Variants in CNIH3 observed in about 807,000 individuals in gnomAD.
CNIH3 encodes cornichon family AMPA receptor auxiliary protein 3.
Under a neutral mutation model 24.1 loss-of-function variants are expected in CNIH3, and 14 were observed. The ratio of observed to expected loss-of-function variants is 0.58; its 90% CI spans 0.38 to 0.91. The LOEUF (loss-of-function observed/expected upper bound fraction) is 0.91. Ranked by LOEUF, CNIH3 falls within the 40% of genes least tolerant of loss-of-function variation. CNIH3 has a pLI of 0.00. For synonymous variants in CNIH3, 68 were observed against 73.8 expected (o/e 0.92, Z 0.40); for missense variants, 178 against 196.8 (o/e 0.90, Z 0.57).
chr1:224,556,619 A>G (rs1680151087), intron 3 of CNIH3, among the ~76,000 whole-genome samples: 1 of 152,176 alleles, frequency 6.6e-6, no homozygotes, highest in South Asian at 2.1e-4. Context: ...ATCAGGCGTT[A>G]GATTCTCATG....
chr1:224,668,007 A>G (rs569161934), intron 1 of CNIH3, among the ~76,000 whole-genome samples: 11 of 152,352 alleles, frequency 7.2e-5, no homozygotes, highest in African/African-American at 2.4e-4. Flanking sequence ...TTTAAAATCT[A>G]TGCACACATA....
Position 224,490,670 on chromosome 1 carries a change from GACTTA to G in CNIH3, n.204-25066_204-25062del, listed in dbSNP as rs546366988. Among the ~76,000 whole-genome samples the G allele has an allele frequency of 3.0e-3, 461 of 152,258 alleles. 1 individual carries two copies. Among genetic ancestry groups the G allele is most frequent in the African/African-American group, 0.01 (427 of 41,536 alleles). ...CAAAAACCAGAGCCTTCTGGTTTGA[GACTTA>G]ACTTGTAAATCCTCCATATCTGTAA... is the stretch of plus-strand genomic sequence containing the variant. On this transcript the variant is annotated intron_variant and non_coding_transcript_variant, in intron 1 of 5. Coordinates refer to the CNIH3 transcript ENST00000471578.
chr1:224,445,574 T>TAAAAAAAAAAA (rs369951294), intron 1 of CNIH3, among the ~76,000 whole-genome samples: 1 of 90,422 alleles, frequency 1.1e-5, no homozygotes, highest in Non-Finnish European at 1.9e-5. Context: ...GGACTCTGCT[T>TAAAAAAAAAAA]AAAAAAAAAA....
chr1:224,503,034 C>A (rs1677744445), intron 1 of CNIH3, among the ~76,000 whole-genome samples: 2 of 148,358 alleles, frequency 1.3e-5, no homozygotes, highest in Non-Finnish European at 3.0e-5. Context: ...AAACAGCTCT[C>A]CCGGGGAGGG....
At chr1:224,641,640 C>T (rs1326377517) in intron 1 of CNIH3, among the ~76,000 whole-genome samples, 1 of 152,238 alleles carries the variant, frequency 6.6e-6, no homozygotes, top group Non-Finnish European at 1.5e-5. Flanking sequence ...GCAGGTGTGG[C>T]CTCTGCCTAG....
intron 1 of CNIH3, among the ~76,000 whole-genome samples, chr1:224,443,664 T>C (rs751680700): frequency 4.9e-5 from 7 of 142,952 alleles, no homozygotes; most frequent in African/African-American, 8.1e-5. Context: ...ATTATATATA[T>C]AGATAGATAG....
chr1:224,551,992 C>G (rs141293355), intron 3 of CNIH3, among the ~76,000 whole-genome samples: 1 of 151,162 alleles, frequency 6.6e-6, no homozygotes, highest in Admixed American at 6.6e-5. Context: ...TAATATCACA[C>G]GGGTTGTACT....
intron 1 of CNIH3, among the ~76,000 whole-genome samples, chr1:224,491,093 A>G (rs546931844): frequency 2.8e-4 from 42 of 152,332 alleles, no homozygotes; most frequent in African/African-American, 1.0e-3. Context: ...ACAAGGTTAC[A>G]GTTTGTCCAC....
chr1:224,512,671 A>C (rs1034264250), upstream of CNIH3, among the ~76,000 whole-genome samples: 1 of 152,222 alleles, frequency 6.6e-6, no homozygotes, highest in Non-Finnish European at 1.5e-5. Flanking sequence ...TTTAAAATAA[A>C]AGAAAGAACA....
At chr1:224,728,919 A>G (rs1045450332) in intron 3 of CNIH3, among the ~76,000 whole-genome samples, 1 of 152,262 alleles carries the variant, frequency 6.6e-6, no homozygotes, top group Non-Finnish European at 1.5e-5. Context: ...AGAAAAGAAT[A>G]GACGTTGGCT....
At chr1:224,543,578 G>A (rs1220988948) in intron 2 of CNIH3, among the ~76,000 whole-genome samples, 3 of 145,836 alleles carry the variant, frequency 2.1e-5, no homozygotes, top group Non-Finnish European at 4.4e-5. Context: ...GCTGACTCTG[G>A]GTGGTTAGTG....
chr1:224,481,151 C>A (rs1253754674), intron 1 of CNIH3, among the ~76,000 whole-genome samples: 1 of 152,196 alleles, frequency 6.6e-6, no homozygotes, highest in Non-Finnish European at 1.5e-5. Context: ...GAAAACTCCT[C>A]CTTATCATAA....
intron 2 of CNIH3, among the ~76,000 whole-genome samples, chr1:224,682,277 C>T (rs774350129): frequency 1.3e-5 from 2 of 152,072 alleles, no homozygotes; most frequent in Non-Finnish European, 2.9e-5. Context: ...CATCATTAAC[C>T]CAATTTATAA....
At chr1:224,459,157 C>T (rs1675800633) in intron 1 of CNIH3, 1 of 952,520 alleles carries the variant, frequency 1.0e-6, no homozygotes, top group South Asian at 4.9e-5. Context: ...TCCAGGGCCC[C>T]TCTCTTTGCC....
chr1:224,578,293 A>G (rs1268895823), intron 4 of CNIH3, among the ~76,000 whole-genome samples: 1 of 152,200 alleles, frequency 6.6e-6, no homozygotes, highest in African/African-American at 2.4e-5. Flanking sequence ...CTACTAATTT[A>G]TTTCCCTAAC....
chr1:224,518,862 A>G (rs1384204159), intron 1 of CNIH3, among the ~76,000 whole-genome samples: 1 of 152,172 alleles, frequency 6.6e-6, no homozygotes, highest in African/African-American at 2.4e-5. Flanking sequence ...TTTGCTTCAT[A>G]TGGAGGAATA....
chr1:224,551,345 A>G (rs868260386), intron 3 of CNIH3, among the ~76,000 whole-genome samples: 40 of 152,272 alleles, frequency 2.6e-4, no homozygotes, highest in South Asian at 6.2e-4. Context: ...ATGATAGACT[A>G]GATTAAGAAA....
intron 4 of CNIH3, among the ~76,000 whole-genome samples, chr1:224,579,067 C>CTTTTTTTTTTTTTT (rs60330387): frequency 1.4e-5 from 2 of 138,914 alleles, no homozygotes; most frequent in African/African-American, 5.3e-5. Context: ...TTTCTTTTTT[C>CTTTTTTTTTTTTTT]TTTTTTTTTT....
chr1:224,610,012 A>G (rs573722024), intron 3 of CNIH3, among the ~76,000 whole-genome samples: 2 of 152,360 alleles, frequency 1.3e-5, no homozygotes, highest in South Asian at 2.1e-4. Flanking sequence ...ATTACATTTC[A>G]AGTACCCATA....
Sources: gnomAD v4.1 joint callset for allele counts (sites outside exome capture counted in the v4.1 genomes callset) on GRCh38, gnomAD v4.1.1 for gene constraint, MANE v1.5 for transcripts, NCBI Gene and HGNC (gene_info 2026-07-23, HGNC 2026-07-21) for gene names.